Variants in NBAS observed in about 807,000 individuals in gnomAD.
The protein encoded by NBAS is NBAS subunit of NRZ tethering complex, also known as NAG/BC035112 fusion.
In NBAS, 219 loss-of-function variants were observed where a neutral mutation model predicts 302.5. The ratio of observed to expected loss-of-function variants is 0.72; its 90% CI spans 0.65 to 0.81. The LOEUF (loss-of-function observed/expected upper bound fraction) is 0.81. Among genes scored for constraint, NBAS ranks in the 30% least tolerant of loss-of-function variants. The probability of loss-of-function intolerance (pLI) is 0.00; values close to 1 mark genes in which losing one functional copy is unlikely to be tolerated. For missense variants in NBAS, 2,932 were observed against 2,841.6 expected, an observed-to-expected ratio of 1.03 and a Z score of -0.72; for synonymous variants, 1,118 against 1,021.6, an observed-to-expected ratio of 1.09 and a Z score of -1.80.
At chr2:15,456,295 A>T (rs1234388924) in intron 21 of NBAS, among the ~76,000 whole-genome samples, 1 of 152,260 alleles carries the variant, frequency 6.6e-6, no homozygotes, top group Non-Finnish European at 1.5e-5. Context: ...AATGTTGGTT[A>T]AATGCCAAGG....
chr2:15,353,653 T>C lies in NBAS; in HGVS notation c.3989A>G (p.Asp1330Gly). 1 of 1,614,074 alleles carries C rather than the reference T, an allele frequency of 6.2e-7. No homozygotes were observed. The highest frequency in any genetic ancestry group is 8.5e-7 in the Non-Finnish European group (1 of 1,179,960). Residue 1330 changes from aspartate (D) to glycine (G), a missense_variant, in exon 34 of 52, where the codon GAC becomes GGC. Coordinates refer to ENST00000281513, the MANE Select transcript of NBAS (RefSeq NM_015909.4). ...CATGAGCTCTTGACGAGTGGCCAAG[T>C]CCTGGTAACCTTCTGATTGTCCTAA... Reference protein sequence around the residue: ...SQLGQSEGYQDLATRQELMAF... With the variant: ...SQLGQSEGYQGLATRQELMAF...
At chr2:14,903,660 T>G in the NBAS span, among the ~76,000 whole-genome samples, 1 of 152,240 alleles carries the variant, frequency 6.6e-6, no homozygotes, top group Non-Finnish European at 1.5e-5. Context: ...CGAGACACTT[T>G]GAGGAAAACT....
chr2:15,497,314 T>C (rs1384947058), intron 11 of NBAS, among the ~76,000 whole-genome samples: 1 of 152,210 alleles, frequency 6.6e-6, no homozygotes, highest in Non-Finnish European at 1.5e-5. Flanking sequence ...CTAGGGGAAC[T>C]GATTAAGTAT....
At chr2:15,401,954 A>C (rs1021361575) in intron 26 of NBAS, among the ~76,000 whole-genome samples, 1 of 152,144 alleles carries the variant, frequency 6.6e-6, no homozygotes. Flanking sequence ...ATTTAATTAT[A>C]ATTACAGTTG....
chr2:15,128,654 G>A, the NBAS span, among the ~76,000 whole-genome samples: 3 of 152,184 alleles, frequency 2.0e-5, no homozygotes, highest in Non-Finnish European at 4.4e-5. Flanking sequence ...GGAGGCTGCA[G>A]GGGAAATGTG....
the NBAS span, among the ~76,000 whole-genome samples, chr2:15,051,607 G>A: frequency 6.6e-6 from 1 of 152,202 alleles, no homozygotes; most frequent in African/African-American, 2.4e-5. Flanking sequence ...CCAGAAGGAA[G>A]CTGTTATTAT....
At chr2:15,462,029 A>G (rs1679528169) in intron 19 of NBAS, among the ~76,000 whole-genome samples, 1 of 152,224 alleles carries the variant, frequency 6.6e-6, no homozygotes, top group Non-Finnish European at 1.5e-5. Context: ...TAGGCAGTAA[A>G]AATTAAGTTA....
At chr2:14,874,618 C>G in the NBAS span, among the ~76,000 whole-genome samples, 45 of 143,604 alleles carry the variant, frequency 3.1e-4, no homozygotes, top group African/African-American at 1.2e-3. Flanking sequence ...CCAGCCTGGA[C>G]GACAAAGCGA....
Position 15,480,326 on chromosome 2 carries a change from G to A in NBAS, c.1084-2037C>T, listed in dbSNP as rs188606830. ...ACCACACTCCAGCCTGGGCAACAAA[G>A]CAACACTCTATCTCTAAAAAAATGA... is the stretch of plus-strand genomic sequence containing the variant. On this transcript the variant is annotated intron_variant, in intron 12 of 51. Coordinates refer to ENST00000281513, the MANE Select transcript of NBAS (RefSeq NM_015909.4). 5.7e-3 allele frequency among the ~76,000 whole-genome samples: 854 copies of A among 150,540 alleles called. 3 individuals carry two copies. The highest frequency in any genetic ancestry group is 0.055 in the Middle Eastern group (16 of 292).
chr2:14,907,289 G>C, the NBAS span, among the ~76,000 whole-genome samples: 1 of 152,300 alleles, frequency 6.6e-6, no homozygotes, highest in African/African-American at 2.4e-5. Flanking sequence ...GGTGTCCTCT[G>C]TTCGGAAGAT....
chr2:14,991,927 C>T, the NBAS span, among the ~76,000 whole-genome samples: 1 of 152,216 alleles, frequency 6.6e-6, no homozygotes, highest in Non-Finnish European at 1.5e-5. Flanking sequence ...TCACTCTCTA[C>T]TAAGCAGGGC....
At chr2:15,143,331 T>G in the NBAS span, among the ~76,000 whole-genome samples, 1 of 152,214 alleles carries the variant, frequency 6.6e-6, no homozygotes, top group African/African-American at 2.4e-5. Flanking sequence ...ACCTGGAGTT[T>G]GTCTGACTCT....
chr2:15,498,365 A>T (rs574323710), intron 11 of NBAS, among the ~76,000 whole-genome samples: 3 of 149,088 alleles, frequency 2.0e-5, no homozygotes, highest in African/African-American at 7.5e-5. Flanking sequence ...TTATCCCAAT[A>T]AAAAAAATAT....
chr2:15,249,700 C>G (rs1175548315), intron 44 of NBAS, among the ~76,000 whole-genome samples: 1 of 152,086 alleles, frequency 6.6e-6, no homozygotes, highest in Non-Finnish European at 1.5e-5. Context: ...GAGTGAATTC[C>G]CATTCACAAT....
At position 15,178,946 on chromosome 2, in the gene NBAS, T is replaced by TAAA. The variant is rs5829492; in HGVS notation, c.6840+39_6840+41dup. 2.7e-6 allele frequency: 4 copies of TAAA among 1,486,220 alleles called. No individual in the cohort carries two copies. The South Asian group carries it at 3.5e-5, about 13-fold the overall frequency. The allele number at this position is 1,486,220 out of a possible 1,614,324, so 92.1% of individuals were successfully genotyped here. ...GTGCTAATTCATTCCTTTGAAACAT[T>TAAA]AAAAAAAAAAAAAGAAAGAAAGTAA... On this transcript the variant is annotated intron_variant, in intron 51 of 51. Transcript: ENST00000281513.
At chr2:14,993,378 C>T in the NBAS span, among the ~76,000 whole-genome samples, 3 of 152,174 alleles carry the variant, frequency 2.0e-5, no homozygotes, top group Non-Finnish European at 4.4e-5. Flanking sequence ...GACAGAGGAG[C>T]AAAACCTGCT....
intron 44 of NBAS, among the ~76,000 whole-genome samples, chr2:15,267,210 A>G (rs1669117675): frequency 6.6e-6 from 1 of 152,224 alleles, no homozygotes; most frequent in South Asian, 2.1e-4. Flanking sequence ...CATATGCTTC[A>G]ATAAACTATG....
chr2:14,817,584 A>G, the NBAS span, among the ~76,000 whole-genome samples: 1 of 152,220 alleles, frequency 6.6e-6, no homozygotes, highest in Non-Finnish European at 1.5e-5. Flanking sequence ...TGCATAAATA[A>G]TTTGATGAAG....
the NBAS span, among the ~76,000 whole-genome samples, chr2:15,074,726 C>T: frequency 6.6e-6 from 1 of 152,084 alleles, no homozygotes; most frequent in Non-Finnish European, 1.5e-5. Context: ...CAAGTCATAT[C>T]ACAGACACAA....
Sources: gnomAD v4.1 joint callset for allele counts (sites outside exome capture counted in the v4.1 genomes callset) on GRCh38, gnomAD v4.1.1 for gene constraint, MANE v1.5 for transcripts, NCBI Gene and HGNC (gene_info 2026-07-23, HGNC 2026-07-21) for gene names.